Variants in LPIN2 observed in about 807,000 individuals in gnomAD.
LPIN2 encodes the protein lipin 2, also known as phosphatidate phosphatase LPIN2.
LPIN2 carries 55 observed loss-of-function variants against 111.4 expected under a neutral mutation model. That is an observed-to-expected ratio of 0.49 (90% CI 0.40 to 0.62). LPIN2 has a LOEUF of 0.62. LPIN2 is among the 20% of genes least tolerant of loss of function. The pLI is 0.00. For missense variants in LPIN2, 992 were observed against 1,112.1 expected (o/e 0.89, Z 1.54); for synonymous variants, 425 against 414.0 (o/e 1.03, Z -0.32).
intron 8 of LPIN2, among the ~76,000 whole-genome samples, chr18:2,932,613 TCAC>T (rs1463469351): frequency 6.6e-6 from 1 of 152,206 alleles, no homozygotes; most frequent in East Asian, 1.9e-4. Flanking sequence ...CCTTCTGTGT[TCAC>T]CACACCTGTC....
intron 2 of LPIN2, 34 bp downstream of exon 2, chr18:2,960,615 C>T (rs1470517825): frequency 6.2e-7 from 1 of 1,603,662 alleles, no homozygotes; most frequent in Non-Finnish European, 8.5e-7. Context: ...CTTTGAATCT[C>T]AGGATGACTT....
chr18:2,978,812 G>A (rs200101097), intron 1 of LPIN2, among the ~76,000 whole-genome samples: 2 of 152,182 alleles, frequency 1.3e-5, no homozygotes, highest in East Asian at 3.8e-4. Flanking sequence ...CGTCCTTGGG[G>A]CTCACTTCTC....
In LPIN2 at chr18:2,959,922, G is replaced by GGAGGCC. The variant is rs1341342156; in HGVS notation, c.192+721_192+726dup. Among the ~76,000 whole-genome samples the GGAGGCC allele has an allele frequency of 7.2e-5, 11 of 152,144 alleles. 1 individual carries two copies. Among genetic ancestry groups the GGAGGCC allele is most frequent in the Admixed American group, 1.3e-4 (2 of 15,276 alleles). ...CTACACCTGTAATCCCAGAACTTTG[G>GGAGGCC]GAGGCCGAGGCCGAAGCCGGTGGAT... is the stretch of plus-strand genomic sequence containing the variant. On this transcript the variant is annotated intron_variant, in intron 2 of 19. Coordinates refer to ENST00000677752, the MANE Select transcript of LPIN2 (RefSeq NM_001375808.2).
At chr18:2,990,862 T>C in intron 1 of LPIN2, 1 of 480,702 alleles carries the variant, frequency 2.1e-6, no homozygotes, top group South Asian at 1.6e-5. Flanking sequence ...GGGACAATGA[T>C]ACTACCTCCC....
At chr18:2,997,213 C>T (rs1348114699) in intron 1 of LPIN2, among the ~76,000 whole-genome samples, 1 of 152,146 alleles carries the variant, frequency 6.6e-6, no homozygotes, top group African/African-American at 2.4e-5. Flanking sequence ...AACTCCTGAC[C>T]TCAGGTGATC....
At position 2,925,315 on chromosome 18, in the gene LPIN2, G is replaced by A. The variant is rs1288225001; in HGVS notation, c.1847C>T (p.Ser616Phe). ...TGTGGGGATGGGGTCCACTGTGATG[G>A]ATTCTTCGAGCTCCTGTGATCCCTC... is the stretch of plus-strand genomic sequence containing the variant. Reference protein sequence around the residue: ...SDEGSQELEESITVDPIPTEP... With the variant: ...SDEGSQELEEFITVDPIPTEP... Residue 616 changes from serine to phenylalanine, a missense_variant, in exon 14 of 20, where the codon TCC (serine) becomes TTC (phenylalanine). This residue lies in a region of LPIN2 where 709 missense variants were observed against 753.2 expected (regional missense o/e 0.94). Coordinates refer to ENST00000677752, the MANE Select transcript of LPIN2 (RefSeq NM_001375808.2). The surrounding 1 kb of genome is among the most constrained non-coding windows in gnomAD (Gnocchi z 4.1). 4.3e-6 allele frequency: 7 copies of A among 1,614,132 alleles called. No individual in the cohort carries two copies. The highest frequency in any genetic ancestry group is 3.3e-5 in the Admixed American group (2 of 60,028).
intron 19 of LPIN2, 63 bp downstream of exon 19, chr18:2,920,711 GGTCT>G (rs766533344): frequency 7.6e-6 from 9 of 1,179,916 alleles, no homozygotes; most frequent in Non-Finnish European, 1.1e-5. Context: ...AAAAGGACAG[GGTCT>G]GTCTGTCCCC....
At chr18:2,999,885 GTC>G (rs887088600) in intron 1 of LPIN2, among the ~76,000 whole-genome samples, 3 of 152,164 alleles carry the variant, frequency 2.0e-5, no homozygotes, top group East Asian at 1.9e-4. Context: ...GCAAGACCCT[GTC>G]TCTACAAAAA....
rs1040646602 is a variant in LPIN2 at position 2,929,094 on chromosome 18, A to G, written c.1521T>C (p.Asn507=). Residue 507 remains asparagine, a synonymous_variant, in exon 10 of 20, where the codon AAT becomes AAC. Transcript: ENST00000677752. The part of the protein sequence containing the change: ...EFAENPGLID[N]PNLVIRIYNR... ...TATATATCCTTATTACAAGGTTAGGATTGTCTATAAGTCCAGGGTTTTCTG... is the reference window on the plus strand; with the variant it reads ...TATATATCCTTATTACAAGGTTAGGGTTGTCTATAAGTCCAGGGTTTTCTG... 1.9e-6 allele frequency: 3 copies of G among 1,600,182 alleles called. No homozygotes were observed. Among genetic ancestry groups the G allele is most frequent in the Non-Finnish European group, 2.6e-6 (3 of 1,167,690 alleles).
intron 1 of LPIN2, among the ~76,000 whole-genome samples, chr18:2,965,226 G>A (rs935058168): frequency 6.6e-6 from 1 of 151,746 alleles, no homozygotes; most frequent in East Asian, 1.9e-4. Context: ...AATTCAATAC[G>A]CCAAATTAGT....
chr18:2,942,353 A>T (rs1441627558), intron 4 of LPIN2, among the ~76,000 whole-genome samples: 1 of 152,170 alleles, frequency 6.6e-6, no homozygotes, highest in Non-Finnish European at 1.5e-5. Context: ...AGAAAGGGAA[A>T]ATCAGGTTTG....
At chr18:2,990,665 C>A in intron 1 of LPIN2, 1 of 247,758 alleles carries the variant, frequency 4.0e-6, no homozygotes, top group Non-Finnish European at 8.2e-6. Context: ...TACTGCAACA[C>A]ACACCTCATC....
chr18:3,003,121 G>T (rs184409560), intron 1 of LPIN2, among the ~76,000 whole-genome samples: 35 of 152,266 alleles, frequency 2.3e-4, no homozygotes, highest in African/African-American at 7.2e-4. Flanking sequence ...CTGAGTAAAT[G>T]ATACATCAAA....
rs749526038 is a variant in LPIN2 at position 2,924,451 on chromosome 18, C to G, written c.2034G>C (p.Leu678=). The G allele has an allele frequency of 1.9e-6, 3 of 1,614,056 alleles. No individual in the cohort carries two copies. The African/African-American group carries it at 4.0e-5, about 22-fold the overall frequency. The change falls in exon 15 of 20, where the codon CTG becomes CTC. Residue 678 remains leucine, a synonymous_variant. Transcript: ENST00000677752. ...TGATGATCTTGTCATTCCAGTTCCA[C>G]AGGTAAATGGTCCCTGCACAGCGAC... ...GTCRCAGTIY[L]WNWNDKIIIS...
intron 12 of LPIN2, among the ~76,000 whole-genome samples, chr18:2,927,202 A>C (rs1304407214): frequency 1.3e-5 from 2 of 152,220 alleles, no homozygotes; most frequent in Non-Finnish European, 2.9e-5. Context: ...TTCCCTTCTG[A>C]CATTTGAAAA....
rs145288900 is a variant in LPIN2 at position 2,933,352 on chromosome 18, T to C, written c.1268+999A>G. On this transcript the variant is annotated intron_variant, in intron 8 of 19. Transcript: ENST00000677752. Reference sequence around the variant, plus strand: ...CCGAAGGAATACCAATATAAATAAATGATTAAGGCCTGGGAAATGTGGGGG... The same window carrying C: ...CCGAAGGAATACCAATATAAATAAACGATTAAGGCCTGGGAAATGTGGGGG... Among the ~76,000 whole-genome samples the C allele has an allele frequency of 1.3e-4, 20 of 152,244 alleles. No individual in the cohort carries two copies. In the East Asian group the frequency reaches 3.9e-3, roughly 29 times the overall value.
intron 1 of LPIN2, among the ~76,000 whole-genome samples, chr18:2,987,179 T>A (rs2078199475): frequency 6.6e-6 from 1 of 152,182 alleles, no homozygotes; most frequent in African/African-American, 2.4e-5. Flanking sequence ...CATCAAATTT[T>A]AAAACACTAA....
Position 2,937,724 on chromosome 18 carries a change from G to C in LPIN2, c.1136C>G (p.Ala379Gly). 1 of 1,614,092 alleles carries C rather than the reference G, an allele frequency of 6.2e-7. No individual in the cohort carries two copies. The highest frequency in any genetic ancestry group is 1.1e-5 in the South Asian group (1 of 91,082). The change falls in exon 7 of 20, where the codon GCA becomes GGA. Residue 379 changes from alanine to glycine, a missense_variant. Around this residue, in one of 4 missense-constraint regions of LPIN2, gnomAD observed 709 missense variants for 753.2 expected, o/e 0.94. Transcript: ENST00000677752. ...LAEAPSESKP[A>G]AKVDSPSKKK... The stretch of plus-strand genomic sequence containing the variant: ...CTTTGACGGCGAGTCTACTTTAGCT[G>C]CCGGTTTGGATTCTGAGGGCGCCTC...
At chr18:2,931,048 G>A (rs1438727010) in intron 9 of LPIN2, among the ~76,000 whole-genome samples, 2 of 152,138 alleles carry the variant, frequency 1.3e-5, no homozygotes, top group Non-Finnish European at 2.9e-5. Flanking sequence ...GCCTTTAAGG[G>A]CACACTACCT....
Sources: gnomAD v4.1 joint callset for allele counts (sites outside exome capture counted in the v4.1 genomes callset) on GRCh38, gnomAD v4.1.1 for gene constraint, gnomAD v4.1.1 regional missense constraint, Gnocchi (gnomAD v3.1) non-coding constraint, MANE v1.5 for transcripts, NCBI Gene and HGNC (gene_info 2026-07-23, HGNC 2026-07-21) for gene names.